The following AGAP1 variants were observed in gnomAD, a reference collection of about 807,000 sequenced individuals.
AGAP1 encodes the protein arf-GAP with GTPase, ANK repeat and PH domain-containing protein 1.
Under a neutral mutation model 105.3 loss-of-function variants are expected in AGAP1, and 29 were observed. The observed-to-expected ratio is 0.28, with a 90% CI of 0.21 to 0.38. The LOEUF is 0.38. Ranked by LOEUF, AGAP1 falls within the 10% of genes least tolerant of loss-of-function variation. AGAP1 has a pLI of 1.00. For synonymous variants in AGAP1, 509 were observed against 485.9 expected (o/e 1.05, Z -0.63); for missense variants, 998 against 1,165.1 (o/e 0.86, Z 2.09).
intron 13 of AGAP1, among the ~76,000 whole-genome samples, chr2:236,034,852 C>T (rs914783473): frequency 6.6e-6 from 1 of 152,216 alleles, no homozygotes; most frequent in Non-Finnish European, 1.5e-5. Flanking sequence ...CACTGAGGGG[C>T]TGGTGGAGGC....
chr2:235,575,778 G>A (rs1057053763), intron 1 of AGAP1, among the ~76,000 whole-genome samples: 1 of 152,172 alleles, frequency 6.6e-6, no homozygotes, highest in African/African-American at 2.4e-5. Flanking sequence ...TCAAGTAAAT[G>A]GAGATGTGTC....
chr2:236,107,373 T>A (rs1038721073), intron 16 of AGAP1, among the ~76,000 whole-genome samples: 3 of 152,142 alleles, frequency 2.0e-5, no homozygotes, highest in Non-Finnish European at 4.4e-5. Flanking sequence ...GCCTCACGCA[T>A]CCTCCCTGCC....
At position 235,801,833 on chromosome 2, in the gene AGAP1, A is replaced by T. The variant is rs1575501879; in HGVS notation, c.957+2311A>T. On this transcript the variant is annotated intron_variant, in intron 8 of 17. Coordinates refer to ENST00000304032, the MANE Select transcript of AGAP1 (RefSeq NM_001037131.3). The surrounding 1 kb of genome is among the most constrained non-coding windows in gnomAD (Gnocchi z 6.0). ...CATTCTCAGACGCCTTCTGAGGGCC[A>T]CATTTTCTGCTTGTTGACTTTGCTT... is the stretch of plus-strand genomic sequence containing the variant. Among the ~76,000 whole-genome samples, 1 of 152,232 alleles carries T rather than the reference A, an allele frequency of 6.6e-6. No individual in the cohort carries two copies. Among genetic ancestry groups the T allele is most frequent in the East Asian group, 1.9e-4 (1 of 5,166 alleles).
At chr2:235,890,632 T>C (rs1364695320) in intron 10 of AGAP1, among the ~76,000 whole-genome samples, 1 of 152,202 alleles carries the variant, frequency 6.6e-6, no homozygotes, top group African/African-American at 2.4e-5. Flanking sequence ...CCTGCATAGC[T>C]TTCAGATCAC....
At position 235,769,884 on chromosome 2, in the gene AGAP1, A is replaced by C. The variant is rs1955282161; in HGVS notation, c.673+19396A>C. Among the ~76,000 whole-genome samples, 1 of 152,028 alleles carries C rather than the reference A, an allele frequency of 6.6e-6. No homozygotes were observed. Among genetic ancestry groups the C allele is most frequent in the Non-Finnish European group, 1.5e-5 (1 of 68,032 alleles). On this transcript the variant is annotated intron_variant, in intron 6 of 17. Coordinates refer to ENST00000304032, the MANE Select transcript of AGAP1 (RefSeq NM_001037131.3). The surrounding 1 kb of genome is among the most constrained non-coding windows in gnomAD (Gnocchi z 4.4). ...GCCAAGGAGCATCCAGTCCTTTCCAAGGACTTTGGTTTTCCAGAGTTACAC... is the reference window on the plus strand; with the variant it reads ...GCCAAGGAGCATCCAGTCCTTTCCACGGACTTTGGTTTTCCAGAGTTACAC...
In AGAP1 at chr2:235,750,393, C is replaced by T; in HGVS notation, c.578C>T (p.Ala193Val). The part of the protein sequence containing the change: ...SSANPRVIDD[A>V]RARKLSNDLK... ...GCTAACCCGAGGGTCATCGATGACG[C>T]CAGGGCGAGGAAGCTCTCCAACGAC... The change falls in exon 6 of 18, where the codon GCC becomes GTC. Residue 193 changes from alanine (A) to valine (V), a missense_variant. Around this residue, in one of 3 missense-constraint regions of AGAP1, gnomAD observed 735 missense variants for 833.4 expected, o/e 0.88. Coordinates refer to ENST00000304032, the MANE Select transcript of AGAP1 (RefSeq NM_001037131.3). This position sits in a 1 kb window ranked among gnomAD's most constrained non-coding sequence, Gnocchi z 5.3. 1.2e-6 allele frequency: 2 copies of T among 1,614,174 alleles called. No homozygotes were observed. Among genetic ancestry groups the T allele is most frequent in the Middle Eastern group, 1.6e-4 (1 of 6,062 alleles).
At chr2:235,821,634 C>A (rs1232259469) in intron 9 of AGAP1, among the ~76,000 whole-genome samples, 1 of 152,156 alleles carries the variant, frequency 6.6e-6, no homozygotes, top group Non-Finnish European at 1.5e-5. Flanking sequence ...GCTTCCTTCA[C>A]TGTGGACATT....
rs548388862 is a variant in AGAP1, at chr2:235,965,773, A to C, written c.1484-2689A>C. On this transcript the variant is annotated intron_variant, in intron 12 of 17. Coordinates refer to ENST00000304032, the MANE Select transcript of AGAP1 (RefSeq NM_001037131.3). The surrounding 1 kb of genome is among the most constrained non-coding windows in gnomAD (Gnocchi z 5.8). ...CAAGGGTTAAGGAAATAACCCTTTA[A>C]GGAATAATGGGGTTTAGGAAAGTGG... Among the ~76,000 whole-genome samples the C allele has an allele frequency of 3.3e-5, 5 of 152,282 alleles. No individual in the cohort carries two copies. The highest frequency in any genetic ancestry group is 1.2e-4 in the African/African-American group (5 of 41,558).
intron 11 of AGAP1, among the ~76,000 whole-genome samples, chr2:235,920,230 T>C (rs1475070208): frequency 6.6e-6 from 1 of 152,202 alleles, no homozygotes; most frequent in Non-Finnish European, 1.5e-5. Flanking sequence ...CTTACACTTA[T>C]TTCTAAATAT....
rs556918383 is a variant in AGAP1, at chr2:235,553,660, G to A, written c.163+58811G>A. ...CAGGTACAGTTTACGTCTGGAGCCA[G>A]CATTTGGAAAGTTGCCTCCAGGGCC... is the stretch of plus-strand genomic sequence containing the variant. On this transcript the variant is annotated intron_variant, in intron 1 of 17. Transcript: ENST00000304032. This position sits in a 1 kb window ranked among gnomAD's most constrained non-coding sequence, Gnocchi z 4.5. Among the ~76,000 whole-genome samples, 1 of 152,168 alleles carries A rather than the reference G, an allele frequency of 6.6e-6. No homozygotes were observed. The highest frequency in any genetic ancestry group is 1.9e-4 in the East Asian group (1 of 5,142).
In AGAP1 at chr2:236,126,802, G is replaced by A. The variant is rs1015755377; in HGVS notation, c.*2680G>A. On this transcript the variant is annotated 3_prime_UTR_variant, in exon 18 of 18. Coordinates refer to ENST00000304032, the MANE Select transcript of AGAP1 (RefSeq NM_001037131.3). The stretch of plus-strand genomic sequence containing the variant: ...GACGGGGCAGCTTTGCCCAGAGCTC[G>A]TTGGCAGTCTGTTTGTATTTCAGTG... 1 of 152,204 alleles carries A rather than the reference G, an allele frequency of 6.6e-6. No homozygotes were observed. The highest frequency in any genetic ancestry group is 1.9e-4 in the East Asian group (1 of 5,190). 9.4% of individuals were successfully genotyped at this position (152,204 alleles called of 1,614,324 possible).
At chr2:235,766,902 G>A (rs947662541) in intron 6 of AGAP1, among the ~76,000 whole-genome samples, 2 of 135,870 alleles carry the variant, frequency 1.5e-5, no homozygotes, top group African/African-American at 2.6e-5. Flanking sequence ...CCACCACACC[G>A]GCTAATTTTT....
At position 235,611,135 on chromosome 2, in the gene AGAP1, C is replaced by T. The variant is rs1213639145; in HGVS notation, c.164-98044C>T. On this transcript the variant is annotated intron_variant, in intron 1 of 17. Transcript: ENST00000304032. The surrounding 1 kb of genome is among the most constrained non-coding windows in gnomAD (Gnocchi z 5.0). ...AGGGGAGGACTCTGCCCTACTGGAT[C>T]CTCCACCTCTCACTTCATTTTGCCA... Among the ~76,000 whole-genome samples, 1 of 152,162 alleles carries T rather than the reference C, an allele frequency of 6.6e-6. No individual in the cohort carries two copies. The highest frequency in any genetic ancestry group is 2.4e-5 in the African/African-American group (1 of 41,426).
rs571527313 is a variant in AGAP1, at chr2:235,979,463, A to C, written c.1645+10840A>C. Among the ~76,000 whole-genome samples the C allele has an allele frequency of 1.1e-4, 17 of 152,232 alleles. No individual in the cohort carries two copies. The highest frequency in any genetic ancestry group is 4.6e-4 in the Admixed American group (7 of 15,288). ...TTATCAAGATGTATTAATGCTTTGG[A>C]GAAGGTGTAGTTGAGATAAACTTTG... On this transcript the variant is annotated intron_variant, in intron 13 of 17. Transcript: ENST00000304032. This position sits in a 1 kb window ranked among gnomAD's most constrained non-coding sequence, Gnocchi z 4.5.
chr2:235,632,560 T>C (rs1946863682), intron 1 of AGAP1, among the ~76,000 whole-genome samples: 1 of 152,114 alleles, frequency 6.6e-6, no homozygotes, highest in Non-Finnish European at 1.5e-5. Context: ...GATGGCCAAG[T>C]TTGATAGGGT....
At chr2:235,580,206 G>A (rs979207961) in intron 1 of AGAP1, among the ~76,000 whole-genome samples, 1 of 152,128 alleles carries the variant, frequency 6.6e-6, no homozygotes, top group Non-Finnish European at 1.5e-5. Flanking sequence ...AGCTATGAAC[G>A]TGCGTGTACA....
Position 236,075,579 on chromosome 2 carries a change from G to A in AGAP1, c.2114+26298G>A, listed in dbSNP as rs576325976. Among the ~76,000 whole-genome samples the A allele has an allele frequency of 5.3e-5, 8 of 152,224 alleles. No homozygotes were observed. In the South Asian group the frequency reaches 1.7e-3, roughly 32 times the overall value. On this transcript the variant is annotated intron_variant, in intron 16 of 17. Coordinates refer to ENST00000304032, the MANE Select transcript of AGAP1 (RefSeq NM_001037131.3). ...TTCCAGGTAAATATGGGACCTGCCA[G>A]GGTCTTTCAGCACTGGAAATAGCCG...
At chr2:235,618,477 C>G (rs976591532) in intron 1 of AGAP1, among the ~76,000 whole-genome samples, 1 of 152,080 alleles carries the variant, frequency 6.6e-6, no homozygotes, top group Non-Finnish European at 1.5e-5. Context: ...TTTTTTCTAA[C>G]CTTCACTTTC....
chr2:235,903,920 G>A (rs2051178464), intron 10 of AGAP1, among the ~76,000 whole-genome samples: 1 of 152,066 alleles, frequency 6.6e-6, no homozygotes, highest in East Asian at 1.9e-4. Flanking sequence ...GAGGGATCTG[G>A]TACACCGAGA....
Sources: allele counts gnomAD v4.1 joint callset (sites outside exome capture counted in the v4.1 genomes callset), GRCh38; gene constraint gnomAD v4.1.1; regional missense constraint gnomAD v4.1.1; non-coding constraint Gnocchi (gnomAD v3.1); transcripts MANE v1.5; gene names NCBI Gene and HGNC (gene_info 2026-07-23, HGNC 2026-07-21).